Variants in SLC41A2 observed in about 807,000 individuals in gnomAD.
The protein encoded by SLC41A2 is solute carrier family 41 member 2, also known as SLC41A1-like 1.
SLC41A2 carries 32 observed loss-of-function variants against 58.3 expected under a neutral mutation model. That is an observed-to-expected ratio of 0.55 (90% confidence interval 0.41 to 0.74). SLC41A2 has a LOEUF of 0.74. Among genes scored for constraint, SLC41A2 ranks in the 30% least tolerant of loss-of-function variants. The probability of loss-of-function intolerance (pLI) is 0.00; values close to 1 mark genes in which losing one functional copy is unlikely to be tolerated. For missense variants in SLC41A2, 514 were observed against 680.6 expected, an observed-to-expected ratio of 0.76 and a Z score of 2.72; for synonymous variants, 190 against 235.0, an observed-to-expected ratio of 0.81 and a Z score of 1.75.
At chr12:104,957,615 C>G (rs1218485087) in intron 1 of SLC41A2, among the ~76,000 whole-genome samples, 1 of 152,236 alleles carries the variant, frequency 6.6e-6, no homozygotes, top group East Asian at 1.9e-4. Flanking sequence ...TGTCATCTCT[C>G]TCTGTAAATG....
intron 3 of SLC41A2, among the ~76,000 whole-genome samples, chr12:104,909,312 A>T (rs142446220): frequency 6.6e-6 from 1 of 152,320 alleles, no homozygotes; most frequent in Non-Finnish European, 1.5e-5. Flanking sequence ...TATAATAAGA[A>T]TGTATTACTT....
At chr12:104,852,139 C>T (rs1336916149) in intron 8 of SLC41A2, among the ~76,000 whole-genome samples, 1 of 152,272 alleles carries the variant, frequency 6.6e-6, no homozygotes, top group East Asian at 1.9e-4. Flanking sequence ...CTAGCAAAAA[C>T]AGCTTTGTAA....
intron 1 of SLC41A2, among the ~76,000 whole-genome samples, chr12:104,955,165 G>A (rs1274226919): frequency 2.0e-5 from 3 of 151,612 alleles, no homozygotes; most frequent in African/African-American, 4.9e-5. Flanking sequence ...ACAGGTGCCC[G>A]CCAGCACACC....
At chr12:104,841,799 T>C (rs1191398297) in intron 10 of SLC41A2, among the ~76,000 whole-genome samples, 1 of 152,044 alleles carries the variant, frequency 6.6e-6, no homozygotes, top group Non-Finnish European at 1.5e-5. Context: ...CCTCAAAGAG[T>C]ATTAGTCTGT....
chr12:104,887,800 T>G (rs977228472), intron 5 of SLC41A2, among the ~76,000 whole-genome samples: 1 of 152,006 alleles, frequency 6.6e-6, no homozygotes, highest in Non-Finnish European at 1.5e-5. Context: ...TTGATGAGAT[T>G]GGACAAGTCA....
At chr12:104,832,216 T>G (rs1300151417) in intron 10 of SLC41A2, among the ~76,000 whole-genome samples, 1 of 152,142 alleles carries the variant, frequency 6.6e-6, no homozygotes, top group Non-Finnish European at 1.5e-5. Context: ...TAGAACAAAC[T>G]TTTTCTATGT....
chr12:104,806,808 A>C (rs929408522), intron 10 of SLC41A2, among the ~76,000 whole-genome samples: 15 of 152,052 alleles, frequency 9.9e-5, no homozygotes, highest in Middle Eastern at 3.4e-3. Context: ...CATTTCTCTG[A>C]TGGCCAGTGA....
chr12:104,925,680 A>G (rs545297904), intron 2 of SLC41A2, among the ~76,000 whole-genome samples: 158 of 152,350 alleles, frequency 1.0e-3, no homozygotes, highest in African/African-American at 3.7e-3. Flanking sequence ...AACTTTTTCC[A>G]ATTATATGCG....
intron 1 of SLC41A2, among the ~76,000 whole-genome samples, chr12:104,953,105 C>T (rs1263766587): frequency 6.6e-6 from 1 of 152,158 alleles, no homozygotes; most frequent in Non-Finnish European, 1.5e-5. Context: ...GTGCCTGTCA[C>T]GTATTAGACA....
intron 1 of SLC41A2, among the ~76,000 whole-genome samples, chr12:104,940,394 G>A (rs1338939772): frequency 1.3e-5 from 2 of 151,432 alleles, no homozygotes; most frequent in Non-Finnish European, 2.9e-5. Flanking sequence ...TATACCTACT[G>A]TTAAATGACG....
intron 6 of SLC41A2, among the ~76,000 whole-genome samples, chr12:104,872,853 C>T (rs2043854269): frequency 6.6e-6 from 1 of 152,162 alleles, no homozygotes; most frequent in Non-Finnish European, 1.5e-5. Flanking sequence ...ACTCAGAATT[C>T]TAAGTAGTTG....
chr12:104,870,043 A>C (rs1198905076), intron 6 of SLC41A2, among the ~76,000 whole-genome samples: 1 of 152,238 alleles, frequency 6.6e-6, no homozygotes, highest in Non-Finnish European at 1.5e-5. Context: ...AATAATTCAC[A>C]GGACCTGTGA....
chr12:104,937,257 T>C (rs1438681602), intron 1 of SLC41A2, among the ~76,000 whole-genome samples: 1 of 152,230 alleles, frequency 6.6e-6, no homozygotes, highest in African/African-American at 2.4e-5. Context: ...TCCTAGCCCT[T>C]AACATTCACT....
intron 3 of SLC41A2, among the ~76,000 whole-genome samples, chr12:104,906,869 G>C (rs546925664): frequency 9.2e-5 from 14 of 152,142 alleles, no homozygotes; most frequent in African/African-American, 3.4e-4. Context: ...CTCAGATTCC[G>C]ATATGGCTGA....
At chr12:104,901,065 T>G (rs1023542520) in intron 3 of SLC41A2, among the ~76,000 whole-genome samples, 2 of 152,208 alleles carry the variant, frequency 1.3e-5, no homozygotes, top group African/African-American at 4.8e-5. Context: ...TGTTGCTAAA[T>G]AATTCAGATA....
At chr12:104,861,433 G>GTACA in intron 7 of SLC41A2, 63 bp from the exon 8 acceptor site, 2 of 1,011,316 alleles carry the variant, frequency 2.0e-6, no homozygotes, top group South Asian at 1.7e-5. Flanking sequence ...AAGTTATTCT[G>GTACA]TACATACAGA....
At chr12:104,890,906 T>C (rs1056669092) in intron 4 of SLC41A2, among the ~76,000 whole-genome samples, 1 of 152,086 alleles carries the variant, frequency 6.6e-6, no homozygotes, top group Non-Finnish European at 1.5e-5. Context: ...CAAGTGGGAG[T>C]GTGGGCCTCG....
chr12:104,942,396 T>G (rs112180088), intron 1 of SLC41A2, among the ~76,000 whole-genome samples: 1 of 151,212 alleles, frequency 6.6e-6, no homozygotes, highest in Non-Finnish European at 1.5e-5. Flanking sequence ...GAGGATCACC[T>G]GAGCCTGAGA....
chr12:104,957,835 C>T (rs957308350), intron 1 of SLC41A2, among the ~76,000 whole-genome samples: 9 of 152,146 alleles, frequency 5.9e-5, no homozygotes, highest in African/African-American at 1.9e-4. Context: ...GACCGCTTGT[C>T]CGCGGTGGCC....
Sources: allele counts gnomAD v4.1 joint callset (sites outside exome capture counted in the v4.1 genomes callset), GRCh38; gene constraint gnomAD v4.1.1; transcripts MANE v1.5; gene names NCBI Gene and HGNC (gene_info 2026-07-23, HGNC 2026-07-21).